The following LYPD1 variants were observed in gnomAD, a reference collection of about 807,000 sequenced individuals.
LYPD1 encodes the protein ly6/PLAUR domain-containing protein 1.
LYPD1 carries 14 observed loss-of-function variants against 14.2 expected under a neutral mutation model. That is an observed-to-expected ratio of 0.99 (90% CI 0.65 to 1.54). LYPD1 has a LOEUF of 1.54. Among genes scored for constraint, LYPD1 ranks in the 40% most tolerant of loss-of-function variants. The probability of loss-of-function intolerance (pLI) is 0.00; values close to 1 mark genes in which losing one functional copy is unlikely to be tolerated. For missense variants in LYPD1, 165 were observed against 175.7 expected (o/e 0.94, Z 0.34); for synonymous variants, 85 against 70.6 (o/e 1.20, Z -1.02).
chr2:132,665,784 C>T (rs1271329774), intron 2 of LYPD1, among the ~76,000 whole-genome samples: 1 of 152,180 alleles, frequency 6.6e-6, no homozygotes, highest in Non-Finnish European at 1.5e-5. Flanking sequence ...GCCAGATATA[C>T]CACAGACTAT....
chr2:132,648,629 A>G (rs1336534788), intron 2 of LYPD1, among the ~76,000 whole-genome samples: 1 of 152,216 alleles, frequency 6.6e-6, no homozygotes, highest in African/African-American at 2.4e-5. Flanking sequence ...TTATGAAGAG[A>G]TGGACTAACA....
At chr2:132,646,502 G>T (rs774657321) in intron 2 of LYPD1, 4 of 395,272 alleles carry the variant, frequency 1.0e-5, no homozygotes, top group Non-Finnish European at 1.8e-5. Context: ...TTCCAAAAGC[G>T]ATTTGAGATG....
chr2:132,653,234 C>T (rs74723517), intron 2 of LYPD1, among the ~76,000 whole-genome samples: 2,061 of 152,350 alleles, frequency 0.014, 52 homozygotes, highest in African/African-American at 0.047. Context: ...CCCTGAGCCA[C>T]TTCCTTGGAT....
In LYPD1 at chr2:132,670,139, C is replaced by T; in HGVS notation, c.-207G>A. 7.2e-7 allele frequency: 1 copy of T among 1,386,944 alleles called. No homozygotes were observed. The highest frequency in any genetic ancestry group is 9.3e-7 in the Non-Finnish European group (1 of 1,079,270). 85.9% of individuals were successfully genotyped at this position (1,386,944 alleles called of 1,614,324 possible). On this transcript the variant is annotated 5_prime_UTR_variant, in exon 1 of 3. Coordinates refer to ENST00000397463, the MANE Select transcript of LYPD1 (RefSeq NM_144586.7). The surrounding 1 kb of genome is among the most constrained non-coding windows in gnomAD (Gnocchi z 4.5). Reference sequence around the variant, plus strand: ...CGCTCGGGCTCCCGGCTGCGGGTCTCTGCTCCTCCCGCTCGCGCTCCCGGG... The same window carrying T: ...CGCTCGGGCTCCCGGCTGCGGGTCTTTGCTCCTCCCGCTCGCGCTCCCGGG...
intron 2 of LYPD1, among the ~76,000 whole-genome samples, chr2:132,656,665 G>A (rs1407504522): frequency 6.6e-6 from 1 of 152,214 alleles, no homozygotes; most frequent in Non-Finnish European, 1.5e-5. Context: ...GGAATAAAGA[G>A]AGAAGATCAA....
At chr2:132,668,350 AC>A in intron 2 of LYPD1, 49 bp downstream of exon 2, 1 of 1,541,694 alleles carries the variant, frequency 6.5e-7, no homozygotes. Flanking sequence ...CCTCACTCCC[AC>A]CCCACAGCCC....
intron 1 of LYPD1, among the ~76,000 whole-genome samples, chr2:132,668,846 G>C (rs987146424): frequency 6.6e-6 from 1 of 152,230 alleles, no homozygotes; most frequent in Non-Finnish European, 1.5e-5. Flanking sequence ...CGGTACCACC[G>C]CAAGAGTGAA....
Position 132,663,240 on chromosome 2 carries a change from T to C in LYPD1, c.190+5160A>G, listed in dbSNP as rs1040049243. 7 of 152,222 alleles carry C rather than the reference T, an allele frequency of 4.6e-5. 1 individual carries two copies. Among genetic ancestry groups the C allele is most frequent in the Non-Finnish European group, 1.0e-4 (7 of 68,054 alleles). 9.4% of individuals were successfully genotyped at this position (152,222 alleles called of 1,614,324 possible). A position where few individuals can be genotyped will look rare whatever the true frequency, so the allele number is the denominator to read the frequency against. ...GCTGGTTTTAATATATGAAGATATA[T>C]TTTTTGATATCCAAATATGTTTTAA... On this transcript the variant is annotated intron_variant, in intron 2 of 2. Coordinates refer to ENST00000397463, the MANE Select transcript of LYPD1 (RefSeq NM_144586.7).
At chr2:132,650,255 C>G (rs1188339429) in intron 2 of LYPD1, among the ~76,000 whole-genome samples, 1 of 152,176 alleles carries the variant, frequency 6.6e-6, no homozygotes, top group Non-Finnish European at 1.5e-5. Context: ...ATTAAAACTA[C>G]ACTGAGATGC....
chr2:132,647,642 T>C (rs1212670233), intron 2 of LYPD1, among the ~76,000 whole-genome samples: 1 of 152,200 alleles, frequency 6.6e-6, no homozygotes, highest in Non-Finnish European at 1.5e-5. Context: ...TATGTGGCTA[T>C]TTTATATCAA....
At chr2:132,663,425 C>T (rs1418340747) in intron 2 of LYPD1, among the ~76,000 whole-genome samples, 4 of 152,102 alleles carry the variant, frequency 2.6e-5, no homozygotes, top group Admixed American at 2.6e-4. Context: ...AGGCATGTGC[C>T]ACCACGCCCA....
chr2:132,669,711 G>T lies in LYPD1; in HGVS notation c.52+170C>A. ...GCTCTCCTCCTGCAGCGCGGGACTT[G>T]GACACTTTCCCAGCCTCGCGCCCCG... On this transcript the variant is annotated intron_variant, in intron 1 of 2. Transcript: ENST00000397463. The surrounding 1 kb of genome is among the most constrained non-coding windows in gnomAD (Gnocchi z 4.3). 7.4e-7 allele frequency: 1 copy of T among 1,356,960 alleles called. No individual in the cohort carries two copies. The highest frequency in any genetic ancestry group is 1.5e-5 in the African/African-American group (1 of 65,540). The allele number at this position is 1,356,960 out of a possible 1,614,324, so 84.1% of individuals were successfully genotyped here. A position where few individuals can be genotyped will look rare whatever the true frequency, so the allele number is the denominator to read the frequency against.
intron 2 of LYPD1, among the ~76,000 whole-genome samples, chr2:132,649,576 A>G (rs147441272): frequency 4.6e-5 from 7 of 152,312 alleles, no homozygotes; most frequent in Non-Finnish European, 7.4e-5. Context: ...ACAGGCTGCT[A>G]GGTAGCTTTA....
intron 2 of LYPD1, among the ~76,000 whole-genome samples, chr2:132,651,290 C>A (rs1682351804): frequency 6.6e-6 from 1 of 152,198 alleles, no homozygotes; most frequent in South Asian, 2.1e-4. Context: ...GCTATGTCCA[C>A]CAGAGGGCTC....
At chr2:132,649,673 C>G (rs975629733) in intron 2 of LYPD1, among the ~76,000 whole-genome samples, 1 of 152,054 alleles carries the variant, frequency 6.6e-6, no homozygotes, top group African/African-American at 2.4e-5. Flanking sequence ...TCGAAGGCAC[C>G]AAGGAGTAGA....
chr2:132,646,569 T>TAAG (rs1553462624), intron 2 of LYPD1: 1 of 303,390 alleles, frequency 3.3e-6, no homozygotes, highest in African/African-American at 2.1e-5. Flanking sequence ...ATTTACATTT[T>TAAG]AAGTCAGAGT....
intron 2 of LYPD1, among the ~76,000 whole-genome samples, chr2:132,665,210 G>T (rs1683201237): frequency 6.6e-6 from 1 of 152,216 alleles, no homozygotes; most frequent in Non-Finnish European, 1.5e-5. Context: ...AAATTTTTAA[G>T]AGCTGAGTTT....
chr2:132,667,127 CAA>C (rs1422307055), intron 2 of LYPD1: 1 of 152,132 alleles, frequency 6.6e-6, no homozygotes, highest in African/African-American at 2.4e-5. Context: ...GAATTATCGC[CAA>C]GTTTGTTTTG....
At chr2:132,667,988 C>T (rs1683380916) in intron 2 of LYPD1, among the ~76,000 whole-genome samples, 1 of 152,082 alleles carries the variant, frequency 6.6e-6, no homozygotes, top group Non-Finnish European at 1.5e-5. Context: ...TGACAAAACA[C>T]ATTTTTCAAG....
Sources: allele counts gnomAD v4.1 joint callset (sites outside exome capture counted in the v4.1 genomes callset), GRCh38; gene constraint gnomAD v4.1.1; non-coding constraint Gnocchi (gnomAD v3.1); transcripts MANE v1.5; gene names NCBI Gene and HGNC (gene_info 2026-07-23, HGNC 2026-07-21).